VPS41: variants seen among roughly 807,000 people sequenced by gnomAD.
The protein encoded by VPS41 is vacuolar protein sorting-associated protein 41 homolog.
A neutral mutation model predicts 130.9 loss-of-function variants in VPS41; 85 were observed. The observed-to-expected ratio is 0.65, with a 90% CI of 0.55 to 0.78. The LOEUF (loss-of-function observed/expected upper bound fraction) is 0.78. VPS41 is among the 30% of genes least tolerant of loss of function. VPS41 has a pLI of 0.00. For synonymous variants in VPS41, 335 were observed against 332.9 expected, an observed-to-expected ratio of 1.01 and a Z score of -0.07; for missense variants, 874 against 1,018.7, an observed-to-expected ratio of 0.86 and a Z score of 1.93.
intron 2 of VPS41, among the ~76,000 whole-genome samples, chr7:38,896,872 G>C (rs1313220550): frequency 1.3e-5 from 2 of 152,126 alleles, no homozygotes; most frequent in African/African-American, 4.8e-5. Flanking sequence ...CTTCTTATGA[G>C]TCCATCTATA....
chr7:38,739,827 C>T (rs771106256), intron 25 of VPS41, among the ~76,000 whole-genome samples: 1 of 152,212 alleles, frequency 6.6e-6, no homozygotes, highest in Non-Finnish European at 1.5e-5. Context: ...TAACACATTA[C>T]CGAACTACAT....
At chr7:38,840,190 T>A (rs1785581375) in intron 4 of VPS41, among the ~76,000 whole-genome samples, 1 of 152,190 alleles carries the variant, frequency 6.6e-6, no homozygotes, top group South Asian at 2.1e-4. Context: ...AACTTTCTTT[T>A]CCCTCAGCAT....
chr7:38,830,631 G>T (rs1334082779), intron 4 of VPS41, among the ~76,000 whole-genome samples: 2 of 152,160 alleles, frequency 1.3e-5, no homozygotes, highest in African/African-American at 4.8e-5. Flanking sequence ...AAATATCTCA[G>T]ATCAAGTAGG....
At chr7:38,858,691 G>A (rs1299677682) in intron 4 of VPS41, among the ~76,000 whole-genome samples, 1 of 152,146 alleles carries the variant, frequency 6.6e-6, no homozygotes, top group Non-Finnish European at 1.5e-5. Flanking sequence ...AGCACAACAT[G>A]TTACTCACGT....
rs745673873 is a variant in VPS41 at position 38,869,296 on chromosome 7, T to C, written c.61-43A>G. ...AAAAATGACACCCGTCAGAGATTTA[T>C]TTGTTTTGAAAACCTCAAAACACAC... On this transcript the variant is annotated intron_variant, in intron 2 of 28. Transcript: ENST00000310301. The C allele has an allele frequency of 2.7e-6, 4 of 1,464,278 alleles. No individual in the cohort carries two copies. In the Admixed American group the frequency reaches 5.5e-5, roughly 20 times the overall value. 90.7% of individuals were successfully genotyped at this position (1,464,278 alleles called of 1,614,324 possible).
At chr7:38,769,178 A>C (rs1784108871) in intron 14 of VPS41, among the ~76,000 whole-genome samples, 1 of 151,934 alleles carries the variant, frequency 6.6e-6, no homozygotes, top group South Asian at 2.1e-4. Context: ...AATTCTCTTT[A>C]CCCTGGAATT....
In VPS41 at chr7:38,796,846, A is replaced by T; in HGVS notation, c.469T>A (p.Ser157Thr). The T allele has an allele frequency of 6.2e-7, 1 of 1,613,946 alleles. No homozygotes were observed. Among genetic ancestry groups the T allele is most frequent in the Non-Finnish European group, 8.5e-7 (1 of 1,179,844 alleles). ...GGKKLLLFER[S>T]WMNRWKSAVL... Reference sequence around the variant, plus strand: ...GCAGACTTCCATCTGTTCATCCAAGACCGTTCAAACAGTAGCAGCTAGGGA... The same window carrying T: ...GCAGACTTCCATCTGTTCATCCAAGTCCGTTCAAACAGTAGCAGCTAGGGA... The change falls in exon 8 of 29, where the codon TCT (serine) becomes ACT (threonine). Residue 157 changes from serine (S) to threonine (T), a missense_variant. Physicochemically the swap from Ser to Thr is moderately conservative, Grantham distance 58 (BLOSUM62 1). Transcript: ENST00000310301.
intron 2 of VPS41, among the ~76,000 whole-genome samples, chr7:38,895,837 C>T (rs1278325349): frequency 2.6e-5 from 4 of 152,124 alleles, no homozygotes; most frequent in Admixed American, 6.6e-5. Flanking sequence ...CGAAATCCAC[C>T]AAGTCTCACA....
rs774298464 is a variant in VPS41, at chr7:38,789,821, G to A, written c.764C>T (p.Pro255Leu). Residue 255 changes from proline (P) to leucine (L), a missense_variant, in exon 10 of 29, where the codon CCA (proline) becomes CTA (leucine). Physicochemically the swap from Pro to Leu is moderately conservative, Grantham distance 98 (BLOSUM62 -3). Coordinates refer to ENST00000310301, the MANE Select transcript of VPS41 (RefSeq NM_014396.4). ...CATACCTATTTCAACATATCGACTT[G>A]GCAAATCCCTCATTTCACTGGCATG... Reference protein sequence around the residue: ...ERHASEMRDLPSRYVEIVSQF... With the variant: ...ERHASEMRDLLSRYVEIVSQF... 3.1e-6 allele frequency: 5 copies of A among 1,613,666 alleles called. No individual in the cohort carries two copies. In the South Asian group the frequency reaches 4.4e-5, roughly 14 times the overall value.
chr7:38,877,922 C>A (rs940791988), intron 2 of VPS41, among the ~76,000 whole-genome samples: 4 of 152,152 alleles, frequency 2.6e-5, no homozygotes, highest in African/African-American at 9.7e-5. Context: ...CTCACAGAGC[C>A]GACCCCTGCC....
chr7:38,788,318 T>C (rs1310789071), intron 10 of VPS41, among the ~76,000 whole-genome samples: 2 of 152,194 alleles, frequency 1.3e-5, no homozygotes, highest in Non-Finnish European at 2.9e-5. Flanking sequence ...TTTAACGCTA[T>C]AGTAGTAAGA....
At chr7:38,904,313 A>G (rs1787208307) in intron 1 of VPS41, among the ~76,000 whole-genome samples, 1 of 152,210 alleles carries the variant, frequency 6.6e-6, no homozygotes, top group South Asian at 2.1e-4. Flanking sequence ...AGGTGAAGAT[A>G]AGTGGAAAAA....
chr7:38,776,030 G>T (rs1784253046), intron 11 of VPS41, among the ~76,000 whole-genome samples: 1 of 152,108 alleles, frequency 6.6e-6, no homozygotes, highest in Non-Finnish European at 1.5e-5. Context: ...AGCTGGGAAT[G>T]GGGCCGTCCT....
At chr7:38,737,323 G>C (rs1208982430) in intron 25 of VPS41, among the ~76,000 whole-genome samples, 1 of 152,084 alleles carries the variant, frequency 6.6e-6, no homozygotes, top group African/African-American at 2.4e-5. Context: ...AGTGAGCTGA[G>C]ATCACGCCAC....
chr7:38,845,293 T>G (rs976761103), intron 4 of VPS41, among the ~76,000 whole-genome samples: 2 of 152,210 alleles, frequency 1.3e-5, no homozygotes, highest in Non-Finnish European at 2.9e-5. Flanking sequence ...ACAAATCATC[T>G]CTTTTATTCT....
intron 5 of VPS41, among the ~76,000 whole-genome samples, chr7:38,825,449 C>T (rs1785252295): frequency 6.6e-6 from 1 of 152,060 alleles, no homozygotes; most frequent in Admixed American, 6.5e-5. Context: ...ATTTATTTCC[C>T]CTCTCTCTCC....
intron 25 of VPS41, among the ~76,000 whole-genome samples, chr7:38,733,432 A>T (rs1347324865): frequency 6.6e-6 from 1 of 152,156 alleles, no homozygotes; most frequent in East Asian, 1.9e-4. Context: ...CTTAAACTTT[A>T]TGGAATTTGC....
chr7:38,856,979 T>A (rs756801486), intron 4 of VPS41, among the ~76,000 whole-genome samples: 4 of 152,226 alleles, frequency 2.6e-5, no homozygotes, highest in Non-Finnish European at 4.4e-5. Flanking sequence ...TCTGGAATGC[T>A]TAGCTAGATA....
chr7:38,756,198 T>G (rs1439259625), intron 19 of VPS41, among the ~76,000 whole-genome samples: 1 of 144,884 alleles, frequency 6.9e-6, no homozygotes, highest in Non-Finnish European at 1.5e-5. Flanking sequence ...TGAGCACTTG[T>G]AATTAGATTT....
Sources: gnomAD v4.1 joint callset for allele counts (sites outside exome capture counted in the v4.1 genomes callset) on GRCh38, gnomAD v4.1.1 for gene constraint, MANE v1.5 for transcripts, NCBI Gene and HGNC (gene_info 2026-07-23, HGNC 2026-07-21) for gene names.